Variants in N4BP2 observed in about 807,000 individuals in gnomAD.
The protein encoded by N4BP2 is NEDD4-binding protein 2.
A neutral mutation model predicts 152.8 loss-of-function variants in N4BP2; 91 were observed. The ratio of observed to expected loss-of-function variants is 0.60; its 90% CI spans 0.50 to 0.71. N4BP2 has a LOEUF of 0.71. N4BP2 is among the 30% of genes least tolerant of loss of function. N4BP2 has a pLI of 0.00. For missense variants in N4BP2, 1,923 were observed against 2,059.1 expected (o/e 0.93, Z 1.28); for synonymous variants, 646 against 705.3 (o/e 0.92, Z 1.33).
chr4:40,133,106 T>C (rs1274152313), intron 13 of N4BP2, among the ~76,000 whole-genome samples: 6 of 152,190 alleles, frequency 3.9e-5, no homozygotes, highest in African/African-American at 1.4e-4. Context: ...TCTTGGTTTA[T>C]TGGTCAAAGT....
intron 4 of N4BP2, 98 bp from the exon 5 acceptor site, chr4:40,106,802 A>T: frequency 8.8e-7 from 1 of 1,142,156 alleles, no homozygotes; most frequent in Non-Finnish European, 1.2e-6. Flanking sequence ...ACAAAATGAT[A>T]GTACTTGAAT....
Position 40,152,880 on chromosome 4 carries a change from G to A in N4BP2, c.5244G>A (p.Lys1748=), listed in dbSNP as rs768377829. The A allele has an allele frequency of 8.1e-6, 13 of 1,614,044 alleles. No individual in the cohort carries two copies. In the South Asian group the frequency reaches 9.9e-5, roughly 12 times the overall value. The part of the protein sequence containing the change: ...GVARIKPAVI[K]YLISHSFRFS... ...CTCGCATCAAACCAGCTGTCATTAAGTACCTCATAAGCCATAGCTTCAGGT... is the reference window on the plus strand; with the variant it reads ...CTCGCATCAAACCAGCTGTCATTAAATACCTCATAAGCCATAGCTTCAGGT... The change falls in exon 17 of 18, where the codon AAG becomes AAA. Residue 1748 remains lysine, a synonymous_variant. Transcript: ENST00000261435.
intron 10 of N4BP2, 65 bp from the exon 11 acceptor site, chr4:40,124,095 C>A: frequency 1.7e-6 from 2 of 1,199,752 alleles, no homozygotes; most frequent in East Asian, 2.4e-5. Flanking sequence ...AATAATATAA[C>A]CTTGTATCCT....
intron 1 of N4BP2, among the ~76,000 whole-genome samples, chr4:40,072,324 C>T (rs549219831): frequency 6.7e-6 from 1 of 149,564 alleles, no homozygotes; most frequent in African/African-American, 2.5e-5. Context: ...TGGCTCACTG[C>T]AACCTTCGAC....
chr4:40,127,940 C>T (rs939757906), intron 12 of N4BP2, among the ~76,000 whole-genome samples: 1 of 152,138 alleles, frequency 6.6e-6, no homozygotes, highest in Non-Finnish European at 1.5e-5. Flanking sequence ...GGATTACAGG[C>T]GTGAGCCGCC....
intron 1 of N4BP2, among the ~76,000 whole-genome samples, chr4:40,072,839 C>T (rs1712346824): frequency 6.6e-6 from 1 of 151,244 alleles, no homozygotes; most frequent in African/African-American, 2.4e-5. Context: ...CCTGTCTCAG[C>T]CTCCCTCCTG....
intron 16 of N4BP2, among the ~76,000 whole-genome samples, chr4:40,148,431 G>C (rs1203564739): frequency 6.7e-6 from 1 of 149,600 alleles, no homozygotes; most frequent in Admixed American, 6.8e-5. Flanking sequence ...GGCATCAGAG[G>C]GAGACCGTGG....
chr4:40,171,558 C>G, the N4BP2 span, among the ~76,000 whole-genome samples: 1 of 152,128 alleles, frequency 6.6e-6, no homozygotes, highest in South Asian at 2.1e-4. Context: ...CCCCAGTACT[C>G]CTGAATGTGA....
At chr4:40,078,915 T>C (rs1713064332) in intron 2 of N4BP2, among the ~76,000 whole-genome samples, 5 of 152,078 alleles carry the variant, frequency 3.3e-5, no homozygotes, top group Admixed American at 3.3e-4. Context: ...AAATTGTGTA[T>C]CTTGAAAAAT....
intron 1 of N4BP2, among the ~76,000 whole-genome samples, chr4:40,059,662 C>CATG (rs1733500716): frequency 6.6e-6 from 1 of 150,980 alleles, no homozygotes; most frequent in African/African-American, 2.5e-5. Context: ...AGATTGAACA[C>CATG]TTTTTTGATA....
chr4:40,060,396 G>A (rs185091872), intron 1 of N4BP2, among the ~76,000 whole-genome samples: 1 of 151,894 alleles, frequency 6.6e-6, no homozygotes, highest in Non-Finnish European at 1.5e-5. Flanking sequence ...AGGTGCACAC[G>A]ATCACGCCCG....
At chr4:40,183,146 C>G in the N4BP2 span, among the ~76,000 whole-genome samples, 4 of 152,254 alleles carry the variant, frequency 2.6e-5, no homozygotes, top group East Asian at 7.7e-4. Flanking sequence ...GATACAATCC[C>G]AAGTCCTGTT....
chr4:40,133,036 G>GA (rs1272041833), intron 13 of N4BP2, among the ~76,000 whole-genome samples: 2 of 152,048 alleles, frequency 1.3e-5, no homozygotes, highest in Non-Finnish European at 2.9e-5. Flanking sequence ...CTCTGCTGTG[G>GA]AAAGTTTAAA....
chr4:40,146,711 G>A (rs913445265), intron 16 of N4BP2, among the ~76,000 whole-genome samples: 7 of 152,106 alleles, frequency 4.6e-5, no homozygotes, highest in South Asian at 2.1e-4. Flanking sequence ...CAAATTTCAA[G>A]TATATGATAT....
At chr4:40,067,908 G>A (rs2109892823) in intron 1 of N4BP2, among the ~76,000 whole-genome samples, 1 of 152,130 alleles carries the variant, frequency 6.6e-6, no homozygotes, top group East Asian at 1.9e-4. Flanking sequence ...TTGAACCCCT[G>A]ACCTCAGGTA....
At position 40,142,860 on chromosome 4, in the gene N4BP2, A is replaced by G. The variant is rs1415647252; in HGVS notation, c.4973A>G (p.Gln1658Arg). ...KKNVATFYAQ[Q>R]GTLHEQKMKE... ...AATGTCGCCACCTTTTATGCCCAGC[A>G]GGTAAAGTGGAAAACTGATTATATA... Residue 1658 changes from glutamine (Q) to arginine (R), a missense_variant and splice_region_variant, in exon 15 of 18, where the codon CAG (glutamine) becomes CGG (arginine). Gln to Arg is a conservative substitution (Grantham distance 43, BLOSUM62 1). Transcript: ENST00000261435. The G allele has an allele frequency of 6.2e-7, 1 of 1,612,894 alleles. No individual in the cohort carries two copies. Among genetic ancestry groups the G allele is most frequent in the Non-Finnish European group, 8.5e-7 (1 of 1,179,644 alleles).
At position 40,154,539 on chromosome 4, in the gene N4BP2, C is replaced by G; in HGVS notation, c.*302C>G. 3.5e-6 allele frequency: 1 copy of G among 283,862 alleles called. No homozygotes were observed. Among genetic ancestry groups the G allele is most frequent in the Non-Finnish European group, 6.5e-6 (1 of 152,912 alleles). The allele number at this position is 283,862 out of a possible 1,614,324, so 17.6% of individuals were successfully genotyped here. A position where few individuals can be genotyped will look rare whatever the true frequency, so the allele number is the denominator to read the frequency against. ...CTGATTGTTTCTCAGAAAAGGTTAC[C>G]TTTGTATTAATTGTTGTATGACATT... On this transcript the variant is annotated 3_prime_UTR_variant, in exon 18 of 18. Transcript: ENST00000261435.
rs1372414287 is a variant in N4BP2 at position 40,154,387 on chromosome 4, C to T, written c.*150C>T. Reference sequence around the variant, plus strand: ...AAAAATTATGATGTTTTTCAAAATGCAAGTGAGGTTTGATTTTTTACTGAA... The same window carrying T: ...AAAAATTATGATGTTTTTCAAAATGTAAGTGAGGTTTGATTTTTTACTGAA... On this transcript the variant is annotated 3_prime_UTR_variant, in exon 18 of 18. Transcript: ENST00000261435. The T allele has an allele frequency of 5.9e-6, 3 of 508,758 alleles. No individual in the cohort carries two copies. Among genetic ancestry groups the T allele is most frequent in the African/African-American group, 2.0e-5 (1 of 49,714 alleles). The allele number at this position is 508,758 out of a possible 1,614,324, so 31.5% of individuals were successfully genotyped here.
chr4:40,075,462 G>A (rs1384213208), intron 2 of N4BP2, among the ~76,000 whole-genome samples: 2 of 151,996 alleles, frequency 1.3e-5, no homozygotes, highest in African/African-American at 4.8e-5. Context: ...GCAGTGGCGC[G>A]ATCTTAGCTC....
Sources: gnomAD v4.1 joint callset for allele counts (sites outside exome capture counted in the v4.1 genomes callset) on GRCh38, gnomAD v4.1.1 for gene constraint, MANE v1.5 for transcripts, NCBI Gene and HGNC (gene_info 2026-07-23, HGNC 2026-07-21) for gene names.